The following TAFA4 variants were observed in gnomAD, a reference collection of about 807,000 sequenced individuals.
TAFA4 encodes the protein TAFA chemokine like family member 4, also known as chemokine-like protein TAFA-4.
In TAFA4, 20 loss-of-function variants were observed where a neutral mutation model predicts 21.1. That is an observed-to-expected ratio of 0.95 (90% CI 0.67 to 1.38). TAFA4 has a LOEUF of 1.38. TAFA4 is among the 40% of genes most tolerant of loss of function. TAFA4 has a pLI of 0.00. For synonymous variants in TAFA4, 71 were observed against 67.4 expected (o/e 1.05, Z -0.26); for missense variants, 211 against 180.9 (o/e 1.17, Z -0.95).
At position 68,850,345 on chromosome 3, in the gene TAFA4, A is replaced by C. The variant is rs1167584958; in HGVS notation, c.130+30385T>G. Among the ~76,000 whole-genome samples, 5 of 152,192 alleles carry C rather than the reference A, an allele frequency of 3.3e-5. No individual in the cohort carries two copies. In the East Asian group the frequency reaches 9.6e-4, roughly 29 times the overall value. Reference sequence around the variant, plus strand: ...GACAAGGGACACAGCAGGTAAATAAAATATAGCCCCTATCCCCATGGAGTA... The same window carrying C: ...GACAAGGGACACAGCAGGTAAATAACATATAGCCCCTATCCCCATGGAGTA... On this transcript the variant is annotated intron_variant, in intron 3 of 5. Transcript: ENST00000295569.
chr3:68,742,594 G>A (rs1702378365), intron 4 of TAFA4, among the ~76,000 whole-genome samples: 2 of 152,048 alleles, frequency 1.3e-5, no homozygotes, highest in South Asian at 4.2e-4. Flanking sequence ...GGGAGGTGAG[G>A]GATAAAAGAC....
intron 3 of TAFA4, among the ~76,000 whole-genome samples, chr3:68,776,863 T>C (rs1196179702): frequency 6.6e-6 from 1 of 152,088 alleles, no homozygotes; most frequent in East Asian, 1.9e-4. Context: ...AGAAAAACCA[T>C]TTGGAAATTA....
At chr3:68,816,194 T>A (rs1489788898) in intron 3 of TAFA4, among the ~76,000 whole-genome samples, 1 of 152,078 alleles carries the variant, frequency 6.6e-6, no homozygotes, top group East Asian at 1.9e-4. Flanking sequence ...AGGGATAGCA[T>A]TAGGAGATAT....
At chr3:68,792,530 T>A (rs1403524984) in intron 3 of TAFA4, among the ~76,000 whole-genome samples, 1 of 152,178 alleles carries the variant, frequency 6.6e-6, no homozygotes, top group Non-Finnish European at 1.5e-5. Flanking sequence ...GAAATTTTTC[T>A]AACATTAGGA....
intron 1 of TAFA4, among the ~76,000 whole-genome samples, chr3:68,900,265 T>TAATAATAATAAC (rs2089832261): frequency 1.3e-5 from 1 of 78,192 alleles, no homozygotes; most frequent in Non-Finnish European, 2.6e-5. Flanking sequence ...ATAATAATAA[T>TAATAATAATAAC]AATAATAATA....
chr3:68,813,129 A>G (rs1254861887), intron 3 of TAFA4, among the ~76,000 whole-genome samples: 1 of 152,136 alleles, frequency 6.6e-6, no homozygotes, highest in Non-Finnish European at 1.5e-5. Flanking sequence ...GAAACCGACG[A>G]GAACAAAGAC....
chr3:68,768,996 G>A (rs1326477532), intron 3 of TAFA4, among the ~76,000 whole-genome samples: 1 of 152,152 alleles, frequency 6.6e-6, no homozygotes, highest in Non-Finnish European at 1.5e-5. Context: ...AGTTAGAGAC[G>A]AGGAATAAAT....
At position 68,739,072 on chromosome 3, in the gene TAFA4, T is replaced by C. The variant is rs769938337; in HGVS notation, c.411+3A>G. 6.2e-7 allele frequency: 1 copy of C among 1,613,348 alleles called. No individual in the cohort carries two copies. Among genetic ancestry groups the C allele is most frequent in the African/African-American group, 1.3e-5 (1 of 74,884 alleles). ...ATTGTAGTTGCATTTTGTCTATACT[T>C]GCCTTCGTAGTTTTGACTTTATTGC... On this transcript the variant is annotated splice_donor_region_variant and intron_variant, in intron 5 of 5. Coordinates refer to ENST00000295569, the MANE Select transcript of TAFA4 (RefSeq NM_182522.5).
At chr3:68,853,809 T>C (rs184190978) in intron 3 of TAFA4, among the ~76,000 whole-genome samples, 1 of 152,304 alleles carries the variant, frequency 6.6e-6, no homozygotes, top group African/African-American at 2.4e-5. Flanking sequence ...TGGCTAGCTG[T>C]TCAACTGCTG....
At chr3:68,898,656 A>T (rs2089815489) in intron 1 of TAFA4, among the ~76,000 whole-genome samples, 1 of 152,230 alleles carries the variant, frequency 6.6e-6, no homozygotes, top group Non-Finnish European at 1.5e-5. Context: ...AAAAAAATAA[A>T]AAATAATAAT....
At chr3:68,850,704 C>T (rs901396706) in intron 3 of TAFA4, among the ~76,000 whole-genome samples, 2 of 150,322 alleles carry the variant, frequency 1.3e-5, no homozygotes, top group African/African-American at 2.5e-5. Flanking sequence ...GAGAAGTGTT[C>T]GTGTCCTTTG....
At chr3:68,878,945 G>T (rs759572472) in intron 3 of TAFA4, among the ~76,000 whole-genome samples, 54 of 151,922 alleles carry the variant, frequency 3.6e-4, no homozygotes, top group South Asian at 6.2e-4. Flanking sequence ...TGCCAAAACT[G>T]GGGGGGAGAT....
chr3:68,906,855 C>A (rs1310576216), intron 1 of TAFA4, among the ~76,000 whole-genome samples: 2 of 151,702 alleles, frequency 1.3e-5, no homozygotes, highest in Non-Finnish European at 2.9e-5. Context: ...CATGGAGAAA[C>A]CCTATCTCTT....
chr3:68,765,527 A>G (rs1366053616), intron 3 of TAFA4, among the ~76,000 whole-genome samples: 1 of 152,238 alleles, frequency 6.6e-6, no homozygotes, highest in Non-Finnish European at 1.5e-5. Flanking sequence ...CAGAATTAAA[A>G]TATGAGAATG....
chr3:68,841,579 T>G (rs1704667019), intron 3 of TAFA4, among the ~76,000 whole-genome samples: 1 of 152,018 alleles, frequency 6.6e-6, no homozygotes, highest in Non-Finnish European at 1.5e-5. Flanking sequence ...TAATTATACT[T>G]TAAGTTCTGG....
intron 3 of TAFA4, among the ~76,000 whole-genome samples, chr3:68,810,717 G>C (rs903280619): frequency 5.9e-5 from 9 of 152,238 alleles, no homozygotes; most frequent in Non-Finnish European, 1.2e-4. Context: ...AAGGAGGACT[G>C]TCTGCCTCTG....
chr3:68,796,495 C>T (rs971423511), intron 3 of TAFA4, among the ~76,000 whole-genome samples: 1 of 152,062 alleles, frequency 6.6e-6, no homozygotes, highest in East Asian at 1.9e-4. Context: ...ATATGTAACT[C>T]TAAATGGATC....
chr3:68,795,929 C>A (rs1260272094), intron 3 of TAFA4, among the ~76,000 whole-genome samples: 1 of 152,006 alleles, frequency 6.6e-6, no homozygotes, highest in East Asian at 1.9e-4. Flanking sequence ...GCACCCCAAG[C>A]CCAGTAACAC....
At chr3:68,795,001 TACACAC>T (rs3048125) in intron 3 of TAFA4, among the ~76,000 whole-genome samples, 76 of 144,072 alleles carry the variant, frequency 5.3e-4, no homozygotes, top group African/African-American at 9.8e-4. Flanking sequence ...TGTGTCTCAA[TACACAC>T]ACACACACAC....
Sources: allele counts gnomAD v4.1 joint callset (sites outside exome capture counted in the v4.1 genomes callset), GRCh38; gene constraint gnomAD v4.1.1; transcripts MANE v1.5; gene names NCBI Gene and HGNC (gene_info 2026-07-23, HGNC 2026-07-21).